RGL1: variants seen among roughly 807,000 people sequenced by gnomAD.
The protein encoded by RGL1 is ral guanine nucleotide dissociation stimulator-like 1.
In RGL1, 24 loss-of-function variants were observed where a neutral mutation model predicts 95.2. The observed-to-expected ratio is 0.25, with a 90% CI of 0.18 to 0.35. The LOEUF is 0.35. Among genes scored for constraint, RGL1 ranks in the 10% least tolerant of loss-of-function variants. The pLI, the probability that RGL1 is intolerant of heterozygous loss-of-function variation, is 1.00. For synonymous variants in RGL1, 329 were observed against 344.9 expected, an observed-to-expected ratio of 0.95 and a Z score of 0.51; for missense variants, 715 against 936.3, an observed-to-expected ratio of 0.76 and a Z score of 3.08.
chr1:183,764,370 G>A (rs1658857810), intron 2 of RGL1, among the ~76,000 whole-genome samples: 1 of 152,142 alleles, frequency 6.6e-6, no homozygotes. Context: ...TGATCAATAG[G>A]AAGTAGATGG....
At chr1:183,757,821 C>T (rs1221816263) in intron 2 of RGL1, among the ~76,000 whole-genome samples, 1 of 152,170 alleles carries the variant, frequency 6.6e-6, no homozygotes, top group African/African-American at 2.4e-5. Flanking sequence ...TGTTTGGTGG[C>T]AGAGTAAGAT....
chr1:183,776,141 A>ATTTTTTTTTTTTTTTTT (rs66738956), intron 2 of RGL1, among the ~76,000 whole-genome samples: 1 of 88,800 alleles, frequency 1.1e-5, no homozygotes, highest in Non-Finnish European at 2.1e-5. Flanking sequence ...GGGAATACAG[A>ATTTTTTTTTTTTTTTTT]TTTTTTTTTT....
At chr1:183,678,011 G>A (rs1165332683) in intron 1 of RGL1, among the ~76,000 whole-genome samples, 3 of 152,086 alleles carry the variant, frequency 2.0e-5, no homozygotes, top group Non-Finnish European at 4.4e-5. Context: ...ATTCTGTTGA[G>A]GTCTCATAGT....
At chr1:183,647,813 AG>A in intron 1 of RGL1, 1 of 1,614,062 alleles carries the variant, frequency 6.2e-7, no homozygotes, top group Non-Finnish European at 8.5e-7. Context: ...ATGACATTTG[AG>A]GCATATTTAA....
intron 3 of RGL1, among the ~76,000 whole-genome samples, chr1:183,851,704 G>C (rs1333827769): frequency 2.0e-5 from 3 of 152,200 alleles, no homozygotes; most frequent in Non-Finnish European, 4.4e-5. Flanking sequence ...TTATTCTGCA[G>C]AAATTGGGAT....
chr1:183,865,039 A>T (rs1665743516), intron 3 of RGL1, among the ~76,000 whole-genome samples: 1 of 152,242 alleles, frequency 6.6e-6, no homozygotes, highest in African/African-American at 2.4e-5. Context: ...CACTTGTGAA[A>T]CCCCAAGGAA....
chr1:183,826,226 T>A (rs1320324841), intron 2 of RGL1, among the ~76,000 whole-genome samples: 7 of 152,108 alleles, frequency 4.6e-5, no homozygotes, highest in Admixed American at 2.0e-4. Flanking sequence ...GCTAAGTTTT[T>A]GTATTTTTAG....
At chr1:183,688,004 C>T (rs986746364) in intron 1 of RGL1, among the ~76,000 whole-genome samples, 17 of 152,114 alleles carry the variant, frequency 1.1e-4, no homozygotes, top group African/African-American at 4.1e-4. Flanking sequence ...TCTAGTCTTG[C>T]CACTAGCTGG....
At chr1:183,831,733 T>C (rs191795487) in intron 2 of RGL1, among the ~76,000 whole-genome samples, 2 of 152,338 alleles carry the variant, frequency 1.3e-5, no homozygotes, top group East Asian at 3.9e-4. Context: ...AACATATCCA[T>C]TTAATTAATA....
intron 1 of RGL1, among the ~76,000 whole-genome samples, chr1:183,666,470 T>C (rs999441522): frequency 2.6e-5 from 4 of 152,232 alleles, no homozygotes; most frequent in Non-Finnish European, 4.4e-5. Context: ...ATTTAGAACT[T>C]CGTTGTTTAA....
rs117606221 is a variant in RGL1 at position 183,880,538 on chromosome 1, G to T, written c.426-78G>T. ...CCAAGTTTCCAGGGGTGCCCCTGGG[G>T]TCCACCCTGGTGTCCAGGGATTGCT... On this transcript the variant is annotated intron_variant, in intron 4 of 17. Coordinates refer to ENST00000360851, the MANE Select transcript of RGL1 (RefSeq NM_001297671.3). The T allele has an allele frequency of 2.5e-5, 34 of 1,387,142 alleles. No homozygotes were observed. The East Asian group carries it at 7.5e-4, about 30-fold the overall frequency. The allele number at this position is 1,387,142 out of a possible 1,614,324, so 85.9% of individuals were successfully genotyped here.
At position 183,672,330 on chromosome 1, in the gene RGL1, G is replaced by T. The variant is rs555114154; in HGVS notation, c.-33+35829G>T. Among the ~76,000 whole-genome samples, 62 of 152,208 alleles carry T rather than the reference G, an allele frequency of 4.1e-4. 1 individual carries two copies. The highest frequency in any genetic ancestry group is 1.5e-3 in the African/African-American group (62 of 41,532). On this transcript the variant is annotated intron_variant, in intron 1 of 18. Transcript: ENST00000304685. Reference sequence around the variant, plus strand: ...ATGATTCTTATTTTTCATTAATTCAGAAAAATAGTCATTATTTTCTGAGTC... The same window carrying T: ...ATGATTCTTATTTTTCATTAATTCATAAAAATAGTCATTATTTTCTGAGTC...
chr1:183,825,709 T>C (rs1047460946), intron 2 of RGL1, among the ~76,000 whole-genome samples: 2 of 152,244 alleles, frequency 1.3e-5, no homozygotes, highest in Non-Finnish European at 2.9e-5. Flanking sequence ...AAAGTCATAA[T>C]GAAGTTCCTT....
At chr1:183,651,146 AT>A (rs900391223) in intron 1 of RGL1, among the ~76,000 whole-genome samples, 3 of 151,884 alleles carry the variant, frequency 2.0e-5, no homozygotes, top group Non-Finnish European at 4.4e-5. Flanking sequence ...TACTCCTGTG[AT>A]TTTTTTTCTT....
At chr1:183,731,579 A>G (rs994990216) in intron 1 of RGL1, among the ~76,000 whole-genome samples, 2 of 152,194 alleles carry the variant, frequency 1.3e-5, no homozygotes, top group Admixed American at 6.6e-5. Context: ...CATTAAAGTT[A>G]CAAAGCCAAA....
intron 2 of RGL1, among the ~76,000 whole-genome samples, chr1:183,799,063 T>C (rs1032098158): frequency 2.6e-5 from 4 of 151,862 alleles, no homozygotes; most frequent in African/African-American, 9.7e-5. Context: ...CCACCATGCC[T>C]GGCTAATTTT....
chr1:183,828,400 A>G (rs530269306), intron 2 of RGL1, among the ~76,000 whole-genome samples: 3 of 152,298 alleles, frequency 2.0e-5, no homozygotes, highest in African/African-American at 7.2e-5. Flanking sequence ...AGCATCTGAC[A>G]TGGAGTAGGT....
chr1:183,678,186 A>G (rs1237134545), intron 1 of RGL1, among the ~76,000 whole-genome samples: 1 of 152,140 alleles, frequency 6.6e-6, no homozygotes, highest in Non-Finnish European at 1.5e-5. Context: ...CATACGAATG[A>G]AAGAATATGT....
chr1:183,655,087 C>T (rs1355927404), intron 1 of RGL1, among the ~76,000 whole-genome samples: 1 of 152,188 alleles, frequency 6.6e-6, no homozygotes, highest in Non-Finnish European at 1.5e-5. Flanking sequence ...CATGTTTCAT[C>T]TTCATTCAGA....
Sources: allele counts gnomAD v4.1 joint callset (sites outside exome capture counted in the v4.1 genomes callset), GRCh38; gene constraint gnomAD v4.1.1; transcripts MANE v1.5; gene names NCBI Gene and HGNC (gene_info 2026-07-23, HGNC 2026-07-21).